ZC3H12B: variants seen among roughly 807,000 people sequenced by gnomAD.
The protein encoded by ZC3H12B is probable ribonuclease ZC3H12B.
ZC3H12B carries 7 observed loss-of-function variants against 43.9 expected under a neutral mutation model. That is an observed-to-expected ratio of 0.16 (90% CI 0.09 to 0.30). The LOEUF (loss-of-function observed/expected upper bound fraction) is 0.30, where lower values mean the gene tolerates loss of function less well. Ranked by LOEUF, ZC3H12B falls within the 10% of genes least tolerant of loss-of-function variation. ZC3H12B has a pLI of 1.00. For synonymous variants in ZC3H12B, 222 were observed against 241.7 expected, an observed-to-expected ratio of 0.92 and a Z score of 0.76; for missense variants, 475 against 670.2, an observed-to-expected ratio of 0.71 and a Z score of 3.22.
chrX:65,153,758 C>T, the ZC3H12B span, among the ~76,000 whole-genome samples: 6 of 111,649 alleles, frequency 5.4e-5, no homozygotes, highest in African/African-American at 2.0e-4. Flanking sequence ...ATAAATCATG[C>T]TGCTATAAAG....
At chrX:65,120,840 C>T in the ZC3H12B span, among the ~76,000 whole-genome samples, 2 of 111,128 alleles carry the variant, frequency 1.8e-5, no homozygotes, top group African/African-American at 6.5e-5. Flanking sequence ...CCAAATTTAT[C>T]GAGAGTTTTT....
At chrX:65,332,121 G>T in the ZC3H12B span, among the ~76,000 whole-genome samples, 137 of 110,795 alleles carry the variant, frequency 1.2e-3, no homozygotes, top group Non-Finnish European at 2.4e-3. Context: ...AGATGGAGTT[G>T]CTCTGGTTCG....
chrX:65,331,949 G>A, the ZC3H12B span, among the ~76,000 whole-genome samples: 1 of 111,154 alleles, frequency 9.0e-6, no homozygotes, highest in Admixed American at 9.6e-5. Flanking sequence ...TCTTAATTTT[G>A]GTGGGTTTTA....
the ZC3H12B span, among the ~76,000 whole-genome samples, chrX:65,113,565 T>TA: frequency 5.0e-3 from 503 of 100,698 alleles, 3 homozygotes; most frequent in African/African-American, 9.5e-3. Flanking sequence ...CCTTGTTTTA[T>TA]AAAAAAAAAA....
At chrX:65,458,062 TA>T (rs56840636) in intron 3 of ZC3H12B, among the ~76,000 whole-genome samples, 1,961 of 15,922 alleles carry the variant, frequency 0.12, 176 homozygotes, top group African/African-American at 0.34. Flanking sequence ...GAATGATCAA[TA>T]AAAAAAAAAA....
chrX:65,168,648 C>T, the ZC3H12B span, among the ~76,000 whole-genome samples: 2 of 111,206 alleles, frequency 1.8e-5, no homozygotes, highest in Admixed American at 9.6e-5. Flanking sequence ...TGGTAGAATT[C>T]GGCTGTGAAT....
chrX:65,086,273 G>C, the ZC3H12B span, among the ~76,000 whole-genome samples: 1 of 111,325 alleles, frequency 9.0e-6, no homozygotes, highest in African/African-American at 3.3e-5. Context: ...CACAGGATTT[G>C]TTCTTGTTTT....
At chrX:65,363,310 C>G (rs1248195839), upstream of ZC3H12B, among the ~76,000 whole-genome samples, 1 of 111,198 alleles carries the variant, frequency 9.0e-6, no homozygotes, top group African/African-American at 3.3e-5. Flanking sequence ...CGTTACCTAC[C>G]TCGGCATAAT....
chrX:65,348,163 T>A, the ZC3H12B span, among the ~76,000 whole-genome samples: 1 of 111,919 alleles, frequency 8.9e-6, no homozygotes, highest in Non-Finnish European at 1.9e-5. Context: ...CACACCAACA[T>A]GGCACATGTA....
chrX:65,490,371 T>A (rs2068187071), intron 1 of ZC3H12B, among the ~76,000 whole-genome samples: 1 of 91,091 alleles, frequency 1.1e-5, no homozygotes, highest in Admixed American at 1.2e-4. Context: ...CCCATTGGAC[T>A]GTTTCAGGAA....
the ZC3H12B span, among the ~76,000 whole-genome samples, chrX:65,255,587 C>A: frequency 8.9e-6 from 1 of 112,067 alleles, no homozygotes; most frequent in Non-Finnish European, 1.9e-5. Context: ...CACAAAAATA[C>A]ACTTATTTAC....
At chrX:65,227,078 C>T in the ZC3H12B span, among the ~76,000 whole-genome samples, 3 of 111,534 alleles carry the variant, frequency 2.7e-5, no homozygotes, top group East Asian at 8.4e-4. Context: ...ACATAATATA[C>T]ATTTTTTTCA....
the ZC3H12B span, among the ~76,000 whole-genome samples, chrX:65,213,407 G>A: frequency 2.7e-5 from 3 of 111,175 alleles, no homozygotes; most frequent in Non-Finnish European, 5.7e-5. Flanking sequence ...CTCATAACGG[G>A]ATCACTTGGC....
At chrX:65,254,797 A>G in the ZC3H12B span, among the ~76,000 whole-genome samples, 2 of 111,710 alleles carry the variant, frequency 1.8e-5, no homozygotes, top group African/African-American at 6.5e-5. Flanking sequence ...AACCAAATCC[A>G]GGAATTCTAA....
chrX:65,213,255 A>C, the ZC3H12B span, among the ~76,000 whole-genome samples: 1 of 110,351 alleles, frequency 9.1e-6, no homozygotes, highest in South Asian at 3.8e-4. Context: ...CTTGCTCCCT[A>C]ATATTTTTTA....
At chrX:65,166,028 G>T in the ZC3H12B span, among the ~76,000 whole-genome samples, 3 of 103,746 alleles carry the variant, frequency 2.9e-5, no homozygotes, top group Non-Finnish European at 5.7e-5. Context: ...GTTTTGATTT[G>T]TATTTCTTTT....
At chrX:65,420,613 C>T (rs1352438535) in intron 3 of ZC3H12B, among the ~76,000 whole-genome samples, 1 of 112,096 alleles carries the variant, frequency 8.9e-6, no homozygotes, top group Non-Finnish European at 1.9e-5. Flanking sequence ...CAGCAATCAA[C>T]CCTAAAGAAA....
upstream of ZC3H12B, among the ~76,000 whole-genome samples, chrX:65,484,270 G>A (rs1204759470): frequency 2.7e-5 from 3 of 111,239 alleles, no homozygotes; most frequent in African/African-American, 6.5e-5. Flanking sequence ...TAATACCTGG[G>A]TGATGAAATA....
At chrX:65,306,522 G>A in the ZC3H12B span, among the ~76,000 whole-genome samples, 3 of 110,622 alleles carry the variant, frequency 2.7e-5, no homozygotes, top group Admixed American at 9.7e-5. Flanking sequence ...ACAGGCACAC[G>A]CTGCCACGCC....
Sources: gnomAD v4.1 joint callset for allele counts (sites outside exome capture counted in the v4.1 genomes callset) on GRCh38, gnomAD v4.1.1 for gene constraint, MANE v1.5 for transcripts, NCBI Gene and HGNC (gene_info 2026-07-23, HGNC 2026-07-21) for gene names.